Variants in PPM1H observed in about 807,000 individuals in gnomAD.
PPM1H encodes protein phosphatase 1H.
In PPM1H, 27 loss-of-function variants were observed where a neutral mutation model predicts 54.9. The ratio of observed to expected loss-of-function variants is 0.49; its 90% confidence interval spans 0.36 to 0.68. The LOEUF (loss-of-function observed/expected upper bound fraction) is 0.68, where lower values mean the gene tolerates loss of function less well. Among genes scored for constraint, PPM1H ranks in the 30% least tolerant of loss-of-function variants. The pLI, the probability that PPM1H is intolerant of heterozygous loss-of-function variation, is 0.00. For synonymous variants in PPM1H, 305 were observed against 270.8 expected (o/e 1.13, Z -1.24); for missense variants, 596 against 667.8 (o/e 0.89, Z 1.19).
At chr12:62,838,414 C>T (rs1401977503) in intron 1 of PPM1H, among the ~76,000 whole-genome samples, 1 of 151,896 alleles carries the variant, frequency 6.6e-6, no homozygotes, top group Non-Finnish European at 1.5e-5. Flanking sequence ...TCCAGGTAAC[C>T]TCTTGGGCAA....
chr12:62,716,624 C>T lies in PPM1H; in HGVS notation c.1073+3547G>A, dbSNP rs533521022. 1.1e-3 allele frequency among the ~76,000 whole-genome samples: 166 copies of T among 152,206 alleles called. 2 individuals are homozygous for T. The highest frequency in any genetic ancestry group is 2.0e-3 in the Non-Finnish European group (138 of 68,008). Reference sequence around the variant, plus strand: ...TTGCTGCAGTCTCAACCTCCCAGGCCCAAGCAATCCTTCCACCTCAGCCTC... The same window carrying T: ...TTGCTGCAGTCTCAACCTCCCAGGCTCAAGCAATCCTTCCACCTCAGCCTC... On this transcript the variant is annotated intron_variant, in intron 6 of 9. Coordinates refer to ENST00000228705, the MANE Select transcript of PPM1H (RefSeq NM_020700.2).
chr12:62,860,802 T>C (rs1869571506), intron 1 of PPM1H, among the ~76,000 whole-genome samples: 1 of 152,212 alleles, frequency 6.6e-6, no homozygotes, highest in Admixed American at 6.5e-5. Flanking sequence ...TTACAGCAGT[T>C]TGAATTGTTG....
At chr12:62,865,016 C>T (rs1313022550) in intron 1 of PPM1H, among the ~76,000 whole-genome samples, 1 of 152,194 alleles carries the variant, frequency 6.6e-6, no homozygotes. Context: ...ATGTCCACTC[C>T]TCATTAGGGC....
intron 8 of PPM1H, among the ~76,000 whole-genome samples, chr12:62,688,856 T>C (rs1399046956): frequency 6.6e-6 from 1 of 151,906 alleles, no homozygotes; most frequent in African/African-American, 2.4e-5. Flanking sequence ...ATTAGCTGGG[T>C]ATGGTGGTGT....
intron 8 of PPM1H, among the ~76,000 whole-genome samples, chr12:62,683,968 G>T (rs140646087): frequency 3.3e-5 from 5 of 152,312 alleles, no homozygotes; most frequent in African/African-American, 9.6e-5. Context: ...ACTGGGACTG[G>T]GAGAATTGCT....
At chr12:62,830,315 G>C (rs188893908) in intron 2 of PPM1H, among the ~76,000 whole-genome samples, 2,590 of 152,138 alleles carry the variant, frequency 0.017, 82 homozygotes, top group African/African-American at 0.059. Flanking sequence ...GAGTGCAGTG[G>C]CGTGATCTCA....
At chr12:62,708,723 C>T (rs1393853824) in intron 6 of PPM1H, among the ~76,000 whole-genome samples, 1 of 151,930 alleles carries the variant, frequency 6.6e-6, no homozygotes, top group Non-Finnish European at 1.5e-5. Context: ...TATTTTTATT[C>T]ATTTATTATT....
chr12:62,863,885 A>T (rs1869688974), intron 1 of PPM1H, among the ~76,000 whole-genome samples: 1 of 152,204 alleles, frequency 6.6e-6, no homozygotes, highest in Admixed American at 6.5e-5. Context: ...TGCTTTTTCC[A>T]TTATCGAGGC....
At chr12:62,792,655 A>T (rs2076707136) in intron 3 of PPM1H, among the ~76,000 whole-genome samples, 1 of 151,974 alleles carries the variant, frequency 6.6e-6, no homozygotes, top group Non-Finnish European at 1.5e-5. Flanking sequence ...GTTAAAACAC[A>T]CTCTTCTATT....
chr12:62,877,653 T>A (rs2121029401), intron 1 of PPM1H, among the ~76,000 whole-genome samples: 1 of 152,204 alleles, frequency 6.6e-6, no homozygotes, highest in South Asian at 2.1e-4. Context: ...CCGGCAGATA[T>A]CCCCTCTCAG....
chr12:62,836,326 A>G (rs565023065), intron 1 of PPM1H, among the ~76,000 whole-genome samples: 1 of 152,328 alleles, frequency 6.6e-6, no homozygotes, highest in South Asian at 2.1e-4. Context: ...TGCTCAACAA[A>G]TGTTTACTGA....
At chr12:62,790,631 AC>A (rs58783488) in intron 3 of PPM1H, among the ~76,000 whole-genome samples, 12,625 of 152,186 alleles carry the variant, frequency 0.083, 560 homozygotes, top group South Asian at 0.14. Flanking sequence ...CAAAGCCAGG[AC>A]TTGGGAGAGA....
intron 8 of PPM1H, among the ~76,000 whole-genome samples, chr12:62,669,021 C>T (rs964446888): frequency 2.0e-5 from 3 of 152,224 alleles, no homozygotes; most frequent in African/African-American, 7.2e-5. Context: ...AAGAAGGTAA[C>T]AATTAGCTAA....
At chr12:62,897,911 C>T (rs1369268209) in intron 1 of PPM1H, among the ~76,000 whole-genome samples, 1 of 152,028 alleles carries the variant, frequency 6.6e-6, no homozygotes, top group Non-Finnish European at 1.5e-5. Flanking sequence ...AAAAGCCAGT[C>T]CATCACAAGT....
intron 1 of PPM1H, among the ~76,000 whole-genome samples, chr12:62,924,407 T>C (rs1294585951): frequency 2.6e-5 from 4 of 152,224 alleles, no homozygotes; most frequent in Non-Finnish European, 5.9e-5. Context: ...CTTCTGAACA[T>C]AATCTCTGTC....
intron 9 of PPM1H, chr12:62,658,893 C>A: frequency 1.5e-6 from 1 of 649,574 alleles, no homozygotes; most frequent in Admixed American, 1.8e-5. Context: ...CAGCACCAGT[C>A]TGACCAATAT....
At chr12:62,787,726 G>T (rs1208837415) in intron 4 of PPM1H, among the ~76,000 whole-genome samples, 2 of 152,158 alleles carry the variant, frequency 1.3e-5, no homozygotes, top group Non-Finnish European at 2.9e-5. Flanking sequence ...TAAAGGAAGG[G>T]TTAACAATGA....
intron 1 of PPM1H, among the ~76,000 whole-genome samples, chr12:62,858,052 A>G (rs1869455588): frequency 6.6e-6 from 1 of 151,076 alleles, no homozygotes; most frequent in South Asian, 2.1e-4. Context: ...TGGATCCCCA[A>G]ATGGACCATT....
chr12:62,714,410 C>T (rs1474719121), intron 6 of PPM1H, among the ~76,000 whole-genome samples: 1 of 152,136 alleles, frequency 6.6e-6, no homozygotes, highest in African/African-American at 2.4e-5. Flanking sequence ...TTAAGGGAAA[C>T]AGAGGAGGGA....
Sources: gnomAD v4.1 joint callset for allele counts (sites outside exome capture counted in the v4.1 genomes callset) on GRCh38, gnomAD v4.1.1 for gene constraint, MANE v1.5 for transcripts, NCBI Gene and HGNC (gene_info 2026-07-23, HGNC 2026-07-21) for gene names.